Variants in SUN3 observed in about 807,000 individuals in gnomAD.
SUN3 encodes the protein Sad1 and UNC84 domain containing 3, also known as SUN domain-containing protein 3.
In SUN3, 36 loss-of-function variants were observed where a neutral mutation model predicts 48.2. That is an observed-to-expected ratio of 0.75 (90% CI 0.57 to 0.99). The LOEUF is 0.99. Ranked by LOEUF, SUN3 falls within the 50% of genes least tolerant of loss-of-function variation. The pLI, the probability that SUN3 is intolerant of heterozygous loss-of-function variation, is 0.00. For missense variants in SUN3, 419 were observed against 433.1 expected (o/e 0.97, Z 0.29); for synonymous variants, 148 against 147.9 (o/e 1.00, Z 0.00).
At chr7:48,015,984 C>T (rs945011531) in intron 3 of SUN3, among the ~76,000 whole-genome samples, 1 of 152,158 alleles carries the variant, frequency 6.6e-6, no homozygotes, top group African/African-American at 2.4e-5. Context: ...TTAGAAATTA[C>T]AGTTTAGGGG....
chr7:48,009,186 A>T (rs1789614719), intron 3 of SUN3, 111 bp from the exon 4 acceptor site: 2 of 1,056,876 alleles, frequency 1.9e-6, no homozygotes, highest in African/African-American at 1.6e-5. Context: ...TGATATACAG[A>T]TGTGCTGGCT....
chr7:48,027,378 A>G (rs1462940073), intron 1 of SUN3, among the ~76,000 whole-genome samples: 1 of 152,144 alleles, frequency 6.6e-6, no homozygotes, highest in East Asian at 1.9e-4. Flanking sequence ...TTCAAGAGAG[A>G]CATTGATGGG....
intron 4 of SUN3, among the ~76,000 whole-genome samples, chr7:48,008,207 G>T (rs1789588312): frequency 6.6e-6 from 1 of 152,158 alleles, no homozygotes; most frequent in Admixed American, 6.5e-5. Flanking sequence ...ATTTCTTTAT[G>T]CTGAAAAAGT....
chr7:48,001,316 C>G (rs1383441436), intron 6 of SUN3, among the ~76,000 whole-genome samples: 4 of 152,122 alleles, frequency 2.6e-5, no homozygotes, highest in African/African-American at 9.7e-5. Flanking sequence ...TTAGCTCCCA[C>G]TTATAAGTGA....
intron 4 of SUN3, among the ~76,000 whole-genome samples, 157 bp downstream of exon 4, chr7:48,008,878 G>C (rs769235183): frequency 6.6e-6 from 1 of 151,738 alleles, no homozygotes; most frequent in Non-Finnish European, 1.5e-5. Context: ...GAAATGCTAG[G>C]AATGATATCA....
intron 7 of SUN3, among the ~76,000 whole-genome samples, chr7:47,995,189 G>C (rs1562599326): frequency 6.6e-6 from 1 of 151,744 alleles, no homozygotes; most frequent in African/African-American, 2.4e-5. Context: ...AGTGGTGGTG[G>C]TGATGATGAT....
chr7:48,017,966 C>T (rs147302031), intron 2 of SUN3, among the ~76,000 whole-genome samples: 254 of 152,262 alleles, frequency 1.7e-3, no homozygotes, highest in African/African-American at 5.6e-3. Flanking sequence ...ACCCAACAGC[C>T]CATGAATAAA....
chr7:48,034,699 A>C, the SUN3 span, among the ~76,000 whole-genome samples: 2 of 152,226 alleles, frequency 1.3e-5, no homozygotes, highest in Non-Finnish European at 2.9e-5. Flanking sequence ...CCAGATAGAT[A>C]ATCTTCATTC....
intron 2 of SUN3, among the ~76,000 whole-genome samples, chr7:48,023,818 C>T (rs1790064885): frequency 6.6e-6 from 1 of 152,142 alleles, no homozygotes; most frequent in Non-Finnish European, 1.5e-5. Context: ...GGCAACACTA[C>T]CTAAAGCTGT....
At position 47,991,137 on chromosome 7, in the gene SUN3, G is replaced by A. The variant is rs1034920338; in HGVS notation, c.862-2257C>T. The A allele has an allele frequency of 3.3e-5, 14 of 428,150 alleles. No individual in the cohort carries two copies. The East Asian group carries it at 4.9e-4, about 15-fold the overall frequency. The allele number at this position is 428,150 out of a possible 1,614,324, so 26.5% of individuals were successfully genotyped here. A position where few individuals can be genotyped will look rare whatever the true frequency, so the allele number is the denominator to read the frequency against. On this transcript the variant is annotated intron_variant, in intron 8 of 9. Coordinates refer to ENST00000297325, the MANE Select transcript of SUN3 (RefSeq NM_001030019.2). ...TGGCCATGCTGCCCAGGCTGGCCTC[G>A]AATTCCTGGGCTCCAGTGATCCTCC...
upstream of SUN3, among the ~76,000 whole-genome samples, chr7:48,033,531 C>G (rs527448115): frequency 1.5e-4 from 23 of 152,220 alleles, no homozygotes; most frequent in African/African-American, 5.5e-4. Context: ...TAATGCCTTT[C>G]AGCCTGGATG....
At chr7:48,034,744 T>C in the SUN3 span, among the ~76,000 whole-genome samples, 1 of 152,356 alleles carries the variant, frequency 6.6e-6, no homozygotes, top group East Asian at 1.9e-4. Context: ...CTCATTGTAC[T>C]TTCTGTAGAT....
At position 48,029,087 on chromosome 7, in the gene SUN3, AC is replaced by A. The variant is rs1286133132; in HGVS notation, c.-150del. On this transcript the variant is annotated 5_prime_UTR_variant, in exon 1 of 10. Transcript: ENST00000297325. Reference sequence around the variant, plus strand: ...CCTCCACGGGTGTTTCTTCTTGAAGACGGAATTTTGAAAAGCTTCTGATTCT... The same window carrying A: ...CCTCCACGGGTGTTTCTTCTTGAAGAGGAATTTTGAAAAGCTTCTGATTCT... 8.4e-6 allele frequency: 10 copies of A among 1,184,598 alleles called. No individual in the cohort carries two copies. Among genetic ancestry groups the A allele is most frequent in the Non-Finnish European group, 1.2e-5 (10 of 857,930 alleles). The allele number at this position is 1,184,598 out of a possible 1,614,324, so 73.4% of individuals were successfully genotyped here. A position where few individuals can be genotyped will look rare whatever the true frequency, so the allele number is the denominator to read the frequency against.
At chr7:48,034,577 A>T in the SUN3 span, among the ~76,000 whole-genome samples, 1 of 152,216 alleles carries the variant, frequency 6.6e-6, no homozygotes. Context: ...CCACCGGGTA[A>T]GTAGCCCTTA....
Position 48,006,039 on chromosome 7 carries a change from C to A in SUN3, c.507G>T (p.Leu169Phe). 3 of 1,606,696 alleles carry A rather than the reference C, an allele frequency of 1.9e-6. No homozygotes were observed. The highest frequency in any genetic ancestry group is 2.6e-6 in the Non-Finnish European group (3 of 1,175,330). The change falls in exon 6 of 10, where the codon TTG becomes TTT. Residue 169 changes from leucine (L) to phenylalanine (F), a missense_variant. Leu to Phe is a conservative substitution (Grantham distance 22, BLOSUM62 0). Coordinates refer to ENST00000297325, the MANE Select transcript of SUN3 (RefSeq NM_001030019.2). ...TCAACTTTTTAAGTACATAATTGAC[C>A]AAGTTTGACACTTCCTGTAGAAATT... ...DPDHTEEVSN[L>F]VNYVLKKLRE... is the part of the protein sequence containing the mutation.
At chr7:47,995,722 A>G (rs1051945055) in intron 7 of SUN3, among the ~76,000 whole-genome samples, 3 of 152,234 alleles carry the variant, frequency 2.0e-5, no homozygotes, top group African/African-American at 7.2e-5. Context: ...TTTCAATGGA[A>G]AAGGATGGTC....
upstream of SUN3, among the ~76,000 whole-genome samples, chr7:48,031,878 T>G (rs2348668): frequency 0.46 from 70,083 of 150,878 alleles, 16,921 homozygotes; most frequent in African/African-American, 0.6. Flanking sequence ...ACGGTGGGTG[T>G]GTGGTGGTGG....
chr7:48,031,832 G>GCGCACACA (rs1554297882), upstream of SUN3, among the ~76,000 whole-genome samples: 2 of 142,270 alleles, frequency 1.4e-5, no homozygotes, highest in African/African-American at 2.6e-5. Context: ...TGTGATTTAT[G>GCGCACACA]CACACACACA....
chr7:48,001,522 G>GTTTTTTTTTCTTTTTTTTTTTTTTT, intron 6 of SUN3, among the ~76,000 whole-genome samples: 1 of 121,888 alleles, frequency 8.2e-6, no homozygotes, highest in Non-Finnish European at 1.7e-5. Flanking sequence ...TGTCTTTTCT[G>GTTTTTTTTTCTTTTTTTTTTTTTTT]TTTTTTTTGT....
Sources: allele counts gnomAD v4.1 joint callset (sites outside exome capture counted in the v4.1 genomes callset), GRCh38; gene constraint gnomAD v4.1.1; transcripts MANE v1.5; gene names NCBI Gene and HGNC (gene_info 2026-07-23, HGNC 2026-07-21).